Variants in RCAN2 observed in about 807,000 individuals in gnomAD.
RCAN2 encodes calcipressin-2.
In RCAN2, 9 loss-of-function variants were observed where a neutral mutation model predicts 23.6. The observed-to-expected ratio is 0.38, with a 90% CI of 0.23 to 0.67. The LOEUF (loss-of-function observed/expected upper bound fraction) is 0.67. Among genes scored for constraint, RCAN2 ranks in the 30% least tolerant of loss-of-function variants. The pLI is 0.51. For missense variants in RCAN2, 273 were observed against 302.3 expected, an observed-to-expected ratio of 0.90 and a Z score of 0.72; for synonymous variants, 109 against 115.7, an observed-to-expected ratio of 0.94 and a Z score of 0.37.
intron 1 of RCAN2, among the ~76,000 whole-genome samples, chr6:46,458,882 A>AG (rs1768126362): frequency 8.5e-6 from 1 of 118,072 alleles, no homozygotes; most frequent in African/African-American, 2.8e-5. Context: ...AGTTTACAGG[A>AG]AAACGCGCGC....
chr6:46,399,164 G>A (rs1193153174), intron 2 of RCAN2, among the ~76,000 whole-genome samples: 5 of 151,854 alleles, frequency 3.3e-5, no homozygotes, highest in African/African-American at 7.3e-5. Flanking sequence ...GCACTAAAAT[G>A]TCATTTAATC....
At chr6:46,463,422 G>A (rs1053551285) in intron 1 of RCAN2, among the ~76,000 whole-genome samples, 9 of 152,310 alleles carry the variant, frequency 5.9e-5, no homozygotes, top group Non-Finnish European at 1.2e-4. Context: ...CCTGCCTTAT[G>A]TGTTAGTGAA....
At chr6:46,394,352 T>C (rs1766026444) in intron 2 of RCAN2, among the ~76,000 whole-genome samples, 1 of 152,196 alleles carries the variant, frequency 6.6e-6, no homozygotes, top group Non-Finnish European at 1.5e-5. Context: ...TAAGATGTGC[T>C]GAATAACTCC....
At chr6:46,387,102 C>A (rs560518620) in intron 2 of RCAN2, among the ~76,000 whole-genome samples, 23 of 152,212 alleles carry the variant, frequency 1.5e-4, no homozygotes, top group African/African-American at 5.5e-4. Context: ...AAAATTAATT[C>A]AAGATGGACT....
intron 1 of RCAN2, among the ~76,000 whole-genome samples, chr6:46,463,746 G>A (rs539366237): frequency 6.6e-6 from 1 of 151,920 alleles, no homozygotes; most frequent in South Asian, 2.1e-4. Context: ...TTCTCTTCCA[G>A]GTGACTCAAA....
intron 1 of RCAN2, among the ~76,000 whole-genome samples, chr6:46,467,648 C>T (rs1269245201): frequency 2.0e-5 from 3 of 152,210 alleles, no homozygotes; most frequent in African/African-American, 7.2e-5. Context: ...AGCTGTGTGA[C>T]CTTGGACATG....
At chr6:46,223,553 A>G (rs1308796001) in intron 4 of RCAN2, among the ~76,000 whole-genome samples, 1 of 152,192 alleles carries the variant, frequency 6.6e-6, no homozygotes, top group African/African-American at 2.4e-5. Context: ...CCTTTACCGT[A>G]AATTTCAACA....
chr6:46,460,416 A>G (rs1768173877), intron 1 of RCAN2, among the ~76,000 whole-genome samples: 1 of 152,142 alleles, frequency 6.6e-6, no homozygotes, highest in South Asian at 2.1e-4. Context: ...GAAACCTTTG[A>G]GGCAACCATT....
chr6:46,307,320 AAC>A (rs923741028), intron 2 of RCAN2, among the ~76,000 whole-genome samples: 1 of 152,166 alleles, frequency 6.6e-6, no homozygotes, highest in African/African-American at 2.4e-5. Context: ...TCATTAAGGA[AAC>A]ACAGATGAGG....
chr6:46,379,530 C>G (rs557148950), intron 2 of RCAN2, among the ~76,000 whole-genome samples: 49 of 152,158 alleles, frequency 3.2e-4, no homozygotes, highest in Non-Finnish European at 6.3e-4. Context: ...TCATGTAATC[C>G]AGTTACAATA....
At chr6:46,420,060 AT>A (rs1221176837) in intron 2 of RCAN2, among the ~76,000 whole-genome samples, 2 of 152,114 alleles carry the variant, frequency 1.3e-5, no homozygotes, top group African/African-American at 2.4e-5. Flanking sequence ...CTTCATTAAT[AT>A]TTTTAAGTAT....
At chr6:46,440,598 C>G (rs1311271516) in intron 2 of RCAN2, among the ~76,000 whole-genome samples, 1 of 151,756 alleles carries the variant, frequency 6.6e-6, no homozygotes, top group African/African-American at 2.4e-5. Context: ...AGAAAAATAT[C>G]TTATATTACA....
chr6:46,348,855 G>T (rs551714080), intron 2 of RCAN2, among the ~76,000 whole-genome samples: 4 of 152,114 alleles, frequency 2.6e-5, no homozygotes. Context: ...TGATGCCTCC[G>T]TAAGACATAT....
At chr6:46,380,603 C>T (rs544544832) in intron 2 of RCAN2, among the ~76,000 whole-genome samples, 3 of 152,300 alleles carry the variant, frequency 2.0e-5, no homozygotes, top group Admixed American at 6.5e-5. Flanking sequence ...GCAAGCTCTG[C>T]AGGGGATTCT....
chr6:46,355,319 G>T (rs181889178), intron 2 of RCAN2, among the ~76,000 whole-genome samples: 1 of 152,228 alleles, frequency 6.6e-6, no homozygotes, highest in Admixed American at 6.5e-5. Context: ...GTGGCTCATG[G>T]ATCACTAGTA....
intron 2 of RCAN2, among the ~76,000 whole-genome samples, chr6:46,287,280 G>A (rs1762405712): frequency 1.3e-5 from 2 of 152,164 alleles, no homozygotes; most frequent in Non-Finnish European, 2.9e-5. Flanking sequence ...TGGCAGAAAT[G>A]GATTTTTGTT....
chr6:46,301,822 A>G (rs2150351482), intron 2 of RCAN2, among the ~76,000 whole-genome samples: 1 of 152,186 alleles, frequency 6.6e-6, no homozygotes, highest in East Asian at 1.9e-4. Flanking sequence ...CCGAAGAATA[A>G]CGAATAAGGG....
intron 2 of RCAN2, among the ~76,000 whole-genome samples, chr6:46,410,147 G>T (rs1766506519): frequency 1.3e-5 from 2 of 152,088 alleles, no homozygotes; most frequent in East Asian, 1.9e-4. Context: ...TAGACTAAAA[G>T]TCTAGGCCTT....
intron 4 of RCAN2, among the ~76,000 whole-genome samples, chr6:46,235,530 CA>C (rs1418490264): frequency 1.3e-5 from 2 of 152,192 alleles, no homozygotes; most frequent in African/African-American, 2.4e-5. Context: ...CGTCTCTCTA[CA>C]AGTTGACTAC....
Sources: gnomAD v4.1 joint callset for allele counts (sites outside exome capture counted in the v4.1 genomes callset) on GRCh38, gnomAD v4.1.1 for gene constraint, MANE v1.5 for transcripts, NCBI Gene and HGNC (gene_info 2026-07-23, HGNC 2026-07-21) for gene names.